The following ATP6AP2 variants were observed in gnomAD, a reference collection of about 807,000 sequenced individuals.
The protein encoded by ATP6AP2 is renin receptor.
In ATP6AP2, 1 loss-of-function variant was observed where a neutral mutation model predicts 23.4. That is an observed-to-expected ratio of 0.04 (90% CI 0.02 to 0.20). The LOEUF is 0.20. Ranked by LOEUF, ATP6AP2 falls within the 10% of genes least tolerant of loss-of-function variation. ATP6AP2 has a pLI of 1.00. For missense variants in ATP6AP2, 174 were observed against 271.3 expected (o/e 0.64, Z 2.52); for synonymous variants, 90 against 97.1 (o/e 0.93, Z 0.43).
At chrX:40,582,533 C>T (rs748151658) in intron 1 of ATP6AP2, among the ~76,000 whole-genome samples, 2 of 111,912 alleles carry the variant, frequency 1.8e-5, no homozygotes, top group Non-Finnish European at 3.8e-5. Flanking sequence ...CTCTTGAAAT[C>T]TGCAGATCTC....
intron 5 of ATP6AP2, 105 bp from the exon 6 acceptor site, chrX:40,598,576 A>G (rs1241866923): frequency 1.6e-5 from 12 of 745,478 alleles, no homozygotes; most frequent in Non-Finnish European, 2.3e-5. Context: ...AAATTCACTT[A>G]TATGATCAAC....
intron 8 of ATP6AP2, among the ~76,000 whole-genome samples, chrX:40,601,436 G>T (rs1926902674): frequency 1.8e-5 from 2 of 111,995 alleles, no homozygotes; most frequent in Admixed American, 1.9e-4. Context: ...ACCTCTTTAT[G>T]ATTTTGATTT....
intron 1 of ATP6AP2, among the ~76,000 whole-genome samples, chrX:40,583,504 T>G (rs750497473): frequency 1.3e-4 from 14 of 111,673 alleles, no homozygotes; most frequent in Non-Finnish European, 2.3e-4. Context: ...CAGGATTAAG[T>G]TGGGGAGATA....
chrX:40,602,446 C>T (rs1926942226), intron 8 of ATP6AP2, among the ~76,000 whole-genome samples: 1 of 88,813 alleles, frequency 1.1e-5, no homozygotes, highest in African/African-American at 7.1e-5. Context: ...GTTAGGAGTT[C>T]GAGACCAGCC....
intron 3 of ATP6AP2, among the ~76,000 whole-genome samples, chrX:40,594,081 A>G (rs1926717225): frequency 9.2e-6 from 1 of 108,256 alleles, no homozygotes; most frequent in Admixed American, 9.7e-5. Context: ...AGATACTTTT[A>G]CCACAAAAAA....
At position 40,598,657 on chromosome X, in the gene ATP6AP2, T is replaced by C. The variant is rs371068792; in HGVS notation, c.535-24T>C. 9.2e-6 allele frequency: 11 copies of C among 1,196,092 alleles called. No individual in the cohort carries two copies. In the South Asian group the frequency reaches 1.9e-4, roughly 21 times the overall value. ...CTCTGGTGCACATTTAAAAGAATGCTCTTTTTTTTTGGGCTCTCTGAAGGT... is the reference window on the plus strand; with the variant it reads ...CTCTGGTGCACATTTAAAAGAATGCCCTTTTTTTTTGGGCTCTCTGAAGGT... On this transcript the variant is annotated intron_variant, in intron 5 of 8. Coordinates refer to ENST00000636580, the MANE Select transcript of ATP6AP2 (RefSeq NM_005765.3).
At chrX:40,593,470 G>C (rs1466262287) in intron 3 of ATP6AP2, among the ~76,000 whole-genome samples, 2 of 110,180 alleles carry the variant, frequency 1.8e-5, no homozygotes, top group East Asian at 2.8e-4. Flanking sequence ...AGGCTGTATA[G>C]TATTCCATTA....
At chrX:40,594,218 T>G (rs961209067) in intron 3 of ATP6AP2, among the ~76,000 whole-genome samples, 4 of 111,867 alleles carry the variant, frequency 3.6e-5, no homozygotes, top group Non-Finnish European at 7.5e-5. Flanking sequence ...CAGTTAAAAA[T>G]AAAATAAAAA....
chrX:40,604,535 C>T (rs964133992), intron 8 of ATP6AP2, among the ~76,000 whole-genome samples: 16 of 111,045 alleles, frequency 1.4e-4, no homozygotes, highest in Non-Finnish European at 2.3e-4. Context: ...GTCCCTCTCT[C>T]GACACGTGGG....
In ATP6AP2 at chrX:40,589,094, C is replaced by G. The variant is rs1343049239; in HGVS notation, c.146C>G (p.Ser49Cys). ...CGGATCCCAGACGTGGCTGCATTGTCCATGGGCTTCTCTGTGAAAGAAGTA... is the reference window on the plus strand; with the variant it reads ...CGGATCCCAGACGTGGCTGCATTGTGCATGGGCTTCTCTGTGAAAGAAGTA... Reference protein sequence around the residue: ...GERIPDVAALSMGFSVKEDLS... With the variant: ...GERIPDVAALCMGFSVKEDLS... Residue 49 changes from serine (S) to cysteine (C), a missense_variant, in exon 2 of 9, where the codon TCC becomes TGC. By Grantham distance (112) the Ser-to-Cys change is moderately radical (BLOSUM62 -1). Transcript: ENST00000636580. 1 of 1,209,959 alleles carries G rather than the reference C, an allele frequency of 8.3e-7. No individual in the cohort carries two copies. Among genetic ancestry groups the G allele is most frequent in the Non-Finnish European group, 1.1e-6 (1 of 894,960 alleles).
chrX:40,603,336 G>A (rs1926986827), intron 8 of ATP6AP2: 1 of 81,819 alleles, frequency 1.2e-5, no homozygotes, highest in Non-Finnish European at 2.3e-5. Flanking sequence ...AAAATGGGTA[G>A]GAAAAAGAAC....
At chrX:40,599,538 C>T (rs946562082) in intron 6 of ATP6AP2, 54 bp from the exon 7 acceptor site, 14 of 1,193,095 alleles carry the variant, frequency 1.2e-5, no homozygotes, top group Admixed American at 4.4e-5. Flanking sequence ...CTGTGTTTGA[C>T]GTCTTTCATC....
chrX:40,585,038 C>G lies in ATP6AP2; in HGVS notation c.37+3936C>G, dbSNP rs766974644. The stretch of plus-strand genomic sequence containing the variant: ...GGGATTACAGGTGTGAGCCATCATG[C>G]CTGGCCTATTTTTATCTTATCTCTT... On this transcript the variant is annotated intron_variant, in intron 1 of 8. Coordinates refer to ENST00000636580, the MANE Select transcript of ATP6AP2 (RefSeq NM_005765.3). 8.9e-5 allele frequency among the ~76,000 whole-genome samples: 10 copies of G among 112,477 alleles called. No individual in the cohort carries two copies. In the Admixed American group the frequency reaches 9.4e-4, roughly 11 times the overall value.
At chrX:40,589,153 TAA>T (rs1268304621) in intron 2 of ATP6AP2, 37 bp downstream of exon 2, 1 of 1,193,398 alleles carries the variant, frequency 8.4e-7, no homozygotes, top group Non-Finnish European at 1.1e-6. Flanking sequence ...GAGCTGCTTT[TAA>T]GAACATTTTT....
intron 1 of ATP6AP2, among the ~76,000 whole-genome samples, chrX:40,585,252 T>G (rs1174294050): frequency 9.0e-6 from 1 of 111,652 alleles, no homozygotes; most frequent in Non-Finnish European, 1.9e-5. Flanking sequence ...AAGTATATAC[T>G]TTACATGGAG....
At position 40,588,973 on chromosome X, in the gene ATP6AP2, GT is replaced by G; in HGVS notation, c.38-9del. The G allele has an allele frequency of 8.3e-7, 1 of 1,204,984 alleles. No individual in the cohort carries two copies. Among genetic ancestry groups the G allele is most frequent in the African/African-American group, 1.7e-5 (1 of 57,653 alleles). The stretch of plus-strand genomic sequence containing the variant: ...ATGTTGATAATTCATTTACTGATCT[GT>G]TTTCTTTTCAGGTGTTTTGGGGAAC... On this transcript the variant is annotated splice_polypyrimidine_tract_variant and intron_variant, in intron 1 of 8. Coordinates refer to ENST00000636580, the MANE Select transcript of ATP6AP2 (RefSeq NM_005765.3).
At chrX:40,589,547 T>C (rs1236568616) in intron 2 of ATP6AP2, 1 of 120,044 alleles carries the variant, frequency 8.3e-6, no homozygotes, top group African/African-American at 3.3e-5. Context: ...TAATAGGATA[T>C]CTACTTTCTG....
rs1412004995 is a variant in ATP6AP2 at position 40,597,557 on chromosome X, G to A, written c.427G>A (p.Val143Met). The A allele has an allele frequency of 8.3e-7, 1 of 1,210,886 alleles. No homozygotes were observed. The highest frequency in any genetic ancestry group is 1.1e-6 in the Non-Finnish European group (1 of 894,639). ...GTATATGGTAGGGAAGGCAAACTCAGTGTTTGAAGACCTTTCAGTCACCTT... is the reference window on the plus strand; with the variant it reads ...GTATATGGTAGGGAAGGCAAACTCAATGTTTGAAGACCTTTCAGTCACCTT... The part of the protein sequence containing the change: ...RVYMVGKANS[V>M]FEDLSVTLRQ... The change falls in exon 5 of 9, where the codon GTG becomes ATG. Residue 143 changes from valine (V) to methionine (M), a missense_variant. Val to Met is a conservative substitution (Grantham distance 21). Transcript: ENST00000636580.
At chrX:40,604,769 G>T (rs1479356693) in intron 8 of ATP6AP2, among the ~76,000 whole-genome samples, 2 of 111,128 alleles carry the variant, frequency 1.8e-5, no homozygotes, top group African/African-American at 6.5e-5. Context: ...GCCTGTATTT[G>T]AATTTTATAT....
Sources: allele counts gnomAD v4.1 joint callset (sites outside exome capture counted in the v4.1 genomes callset), GRCh38; gene constraint gnomAD v4.1.1; transcripts MANE v1.5; gene names NCBI Gene and HGNC (gene_info 2026-07-23, HGNC 2026-07-21).